Variants in ATAD2B observed in about 807,000 individuals in gnomAD.
ATAD2B encodes the protein ATPase family AAA domain containing 2B, also known as ATPase family AAA domain-containing protein 2B.
ATAD2B carries 40 observed loss-of-function variants against 167.6 expected under a neutral mutation model. The observed-to-expected ratio is 0.24, with a 90% confidence interval of 0.19 to 0.31. The LOEUF (loss-of-function observed/expected upper bound fraction) is 0.31. Ranked by LOEUF, ATAD2B falls within the 10% of genes least tolerant of loss-of-function variation. The probability of loss-of-function intolerance (pLI) is 1.00; values close to 1 mark genes in which losing one functional copy is unlikely to be tolerated. For missense variants in ATAD2B, 1,242 were observed against 1,757.2 expected, an observed-to-expected ratio of 0.71 and a Z score of 5.24; for synonymous variants, 579 against 596.5, an observed-to-expected ratio of 0.97 and a Z score of 0.43.
the ATAD2B span, among the ~76,000 whole-genome samples, chr2:23,741,980 A>C: frequency 6.6e-6 from 1 of 152,348 alleles, no homozygotes; most frequent in East Asian, 1.9e-4. Flanking sequence ...CCATCAGAGA[A>C]ATGCAAATCA....
chr2:23,793,216 G>A (rs1313575288), intron 19 of ATAD2B, among the ~76,000 whole-genome samples: 2 of 152,010 alleles, frequency 1.3e-5, no homozygotes. Context: ...AATGCTATAT[G>A]TAATCTTACT....
intron 19 of ATAD2B, among the ~76,000 whole-genome samples, chr2:23,792,965 A>T (rs113798110): frequency 2.9e-3 from 369 of 125,756 alleles, no homozygotes; most frequent in South Asian, 6.0e-3. Flanking sequence ...TCTGTCTCAA[A>T]AAAAAAAAAA....
At chr2:23,726,901 T>C in the ATAD2B span, among the ~76,000 whole-genome samples, 1 of 152,198 alleles carries the variant, frequency 6.6e-6, no homozygotes, top group African/African-American at 2.4e-5. Context: ...TGAATGTCCT[T>C]AATGCCACTG....
At chr2:23,870,645 C>A (rs1573149769) in intron 8 of ATAD2B, among the ~76,000 whole-genome samples, 1 of 131,916 alleles carries the variant, frequency 7.6e-6, no homozygotes, top group African/African-American at 2.9e-5. Flanking sequence ...TGATAAATAA[C>A]ATTAGAATCT....
At chr2:23,813,644 C>A (rs1396337239) in intron 17 of ATAD2B, among the ~76,000 whole-genome samples, 1 of 151,422 alleles carries the variant, frequency 6.6e-6, no homozygotes, top group African/African-American at 2.4e-5. Context: ...CACCAGGAGG[C>A]TGAGGTAGGA....
At chr2:23,682,856 C>T in the ATAD2B span, among the ~76,000 whole-genome samples, 10 of 151,112 alleles carry the variant, frequency 6.6e-5, no homozygotes, top group Non-Finnish European at 1.0e-4. The surrounding 1 kb of genome is among the most constrained non-coding windows in gnomAD (Gnocchi z 4.1). Flanking sequence ...ACTCCAGACT[C>T]AGTGTGACTT....
chr2:23,887,120 C>T (rs1431943742), intron 4 of ATAD2B, among the ~76,000 whole-genome samples: 2 of 151,900 alleles, frequency 1.3e-5, no homozygotes, highest in African/African-American at 2.4e-5. Context: ...AAAAATTAGT[C>T]GGGCATGGTG....
chr2:23,779,705 T>C (rs191560699), intron 22 of ATAD2B, among the ~76,000 whole-genome samples: 113 of 151,518 alleles, frequency 7.5e-4, no homozygotes, highest in Middle Eastern at 3.4e-3. Flanking sequence ...TTAGCTGTTA[T>C]ATGAGATCTA....
the ATAD2B span, among the ~76,000 whole-genome samples, chr2:23,740,078 A>T: frequency 1.3e-5 from 2 of 152,306 alleles, no homozygotes; most frequent in South Asian, 4.1e-4. Flanking sequence ...CAACCAAAAA[A>T]ACTCCAGGAC....
intron 1 of ATAD2B, among the ~76,000 whole-genome samples, chr2:23,914,912 T>C (rs1448490346): frequency 6.6e-6 from 1 of 151,726 alleles, no homozygotes; most frequent in Non-Finnish European, 1.5e-5. Context: ...CATATAGAAG[T>C]AATACTTACT....
chr2:23,924,076 G>C (rs184580186), intron 1 of ATAD2B, among the ~76,000 whole-genome samples: 142 of 144,948 alleles, frequency 9.8e-4, no homozygotes, highest in Admixed American at 1.4e-3. Flanking sequence ...CCAGCTACTC[G>C]GGAGGCTGAG....
chr2:23,829,510 G>C (rs1572940408), intron 14 of ATAD2B, among the ~76,000 whole-genome samples: 1 of 152,252 alleles, frequency 6.6e-6, no homozygotes, highest in South Asian at 2.1e-4. Context: ...CAGCACTTTG[G>C]GATGCTGAGG....
At chr2:23,836,864 G>A (rs542924146) in intron 13 of ATAD2B, among the ~76,000 whole-genome samples, 1 of 152,154 alleles carries the variant, frequency 6.6e-6, no homozygotes, top group Non-Finnish European at 1.5e-5. Context: ...GGAAGGAAGT[G>A]CACACCAATT....
Position 23,782,885 on chromosome 2 carries a change from T to C in ATAD2B, c.3117A>G (p.Pro1039=), listed in dbSNP as rs1485789922. 1 of 1,610,818 alleles carries C rather than the reference T, an allele frequency of 6.2e-7. No homozygotes were observed. Among genetic ancestry groups the C allele is most frequent in the Admixed American group, 1.7e-5 (1 of 59,496 alleles). Residue 1039 remains proline (P), a synonymous_variant, in exon 22 of 28, where the codon CCA becomes CCG. Transcript: ENST00000238789. ...LICSNALEYN[P]DKDPGDKIIR... ...CATCCTTACCTCCTGGGTCCTTATCTGGATTATACTCTAAAGCATTGCTAC... is the reference window on the plus strand; with the variant it reads ...CATCCTTACCTCCTGGGTCCTTATCCGGATTATACTCTAAAGCATTGCTAC...
intron 20 of ATAD2B, among the ~76,000 whole-genome samples, chr2:23,787,801 G>GA (rs1332165966): frequency 1.3e-5 from 2 of 151,984 alleles, no homozygotes; most frequent in African/African-American, 4.8e-5. Flanking sequence ...GAGGCTGAAA[G>GA]ATTAAGCAGG....
At chr2:23,867,565 C>T (rs72788218) in intron 10 of ATAD2B, among the ~76,000 whole-genome samples, 22,592 of 152,086 alleles carry the variant, frequency 0.15, 1,789 homozygotes, top group Middle Eastern at 0.22. Context: ...ATTTCAACAA[C>T]AGCCCATTGT....
chr2:23,726,143 G>A, the ATAD2B span, among the ~76,000 whole-genome samples: 4 of 152,168 alleles, frequency 2.6e-5, no homozygotes, highest in African/African-American at 9.7e-5. Context: ...CATGTTCATA[G>A]CATTATTTAC....
the ATAD2B span, chr2:23,693,370 A>G: frequency 6.4e-7 from 1 of 1,551,648 alleles, no homozygotes; most frequent in East Asian, 2.4e-5. Flanking sequence ...CGCGCTGCAG[A>G]TCTTCCCCGA....
At chr2:23,880,879 G>A (rs12623079) in intron 6 of ATAD2B, 124 bp from the exon 7 acceptor site, 80,217 of 628,914 alleles carry the variant, frequency 0.13, 5,607 homozygotes, top group Middle Eastern at 0.19. Flanking sequence ...ACATTTAAGT[G>A]CCAACATATT....
Sources: gnomAD v4.1 joint callset for allele counts (sites outside exome capture counted in the v4.1 genomes callset) on GRCh38, gnomAD v4.1.1 for gene constraint, Gnocchi (gnomAD v3.1) non-coding constraint, MANE v1.5 for transcripts, NCBI Gene and HGNC (gene_info 2026-07-23, HGNC 2026-07-21) for gene names.